The following LARGE1 variants were observed in gnomAD, a reference collection of about 807,000 sequenced individuals.
The protein encoded by LARGE1 is LARGE xylosyl- and glucuronyltransferase 1, also known as xylosyl- and glucuronyltransferase LARGE1.
Under a neutral mutation model 87.6 loss-of-function variants are expected in LARGE1, and 43 were observed. The ratio of observed to expected loss-of-function variants is 0.49; its 90% CI spans 0.38 to 0.63. The LOEUF is 0.63. Among genes scored for constraint, LARGE1 ranks in the 30% least tolerant of loss-of-function variants. The pLI is 0.00. For synonymous variants in LARGE1, 434 were observed against 394.6 expected (o/e 1.10, Z -1.18); for missense variants, 802 against 1,000.2 (o/e 0.80, Z 2.67).
intron 6 of LARGE1, among the ~76,000 whole-genome samples, chr22:33,556,542 G>GGGAGGGAGGGAGGGAA (rs2077687412): frequency 3.2e-5 from 2 of 62,642 alleles, no homozygotes; most frequent in Non-Finnish European, 7.4e-5. Flanking sequence ...GAGGGAAGGA[G>GGGAGGGAGGGAGGGAA]GGAGGGAGGG....
intron 6 of LARGE1, among the ~76,000 whole-genome samples, chr22:33,466,032 T>C (rs1335936915): frequency 3.3e-5 from 5 of 152,202 alleles, no homozygotes; most frequent in Non-Finnish European, 7.3e-5. Context: ...TGTGGTAGCC[T>C]ATACGTCCCT....
At chr22:33,773,302 G>A (rs1049016785) in intron 1 of LARGE1, among the ~76,000 whole-genome samples, 8 of 152,202 alleles carry the variant, frequency 5.3e-5, no homozygotes, top group Non-Finnish European at 8.8e-5. Context: ...TTTAAAAGCC[G>A]CACGCAATAT....
intron 1 of LARGE1, among the ~76,000 whole-genome samples, chr22:33,907,860 G>C (rs1357150973): frequency 3.9e-5 from 6 of 152,176 alleles, no homozygotes; most frequent in Non-Finnish European, 8.8e-5. Context: ...GCCTCCCAAA[G>C]TGCTGGGATT....
At chr22:33,383,150 C>T (rs1396755430) in intron 8 of LARGE1, among the ~76,000 whole-genome samples, 1 of 152,154 alleles carries the variant, frequency 6.6e-6, no homozygotes, top group Non-Finnish European at 1.5e-5. Flanking sequence ...CTGAAGACAG[C>T]TACCAGTGCC....
intron 5 of LARGE1, among the ~76,000 whole-genome samples, chr22:33,576,596 T>G (rs1276013883): frequency 6.6e-6 from 1 of 152,124 alleles, no homozygotes; most frequent in Non-Finnish European, 1.5e-5. Flanking sequence ...TTCCTATGTA[T>G]GTGAATATGC....
At chr22:33,727,734 C>T (rs749653218) in intron 2 of LARGE1, 7 of 152,220 alleles carry the variant, frequency 4.6e-5, no homozygotes, top group Non-Finnish European at 1.0e-4. Flanking sequence ...CACGTGATAT[C>T]ACAAATATAC....
At chr22:33,183,620 G>GCACGCACA (rs1555880674) in intron 11 of LARGE1, among the ~76,000 whole-genome samples, 35 of 137,832 alleles carry the variant, frequency 2.5e-4, no homozygotes, top group African/African-American at 1.0e-3. Flanking sequence ...ACACACACAC[G>GCACGCACA]CACACACACA....
intron 1 of LARGE1, among the ~76,000 whole-genome samples, chr22:33,831,648 T>C (rs1210554843): frequency 6.6e-6 from 1 of 152,002 alleles, no homozygotes; most frequent in Non-Finnish European, 1.5e-5. Flanking sequence ...AAAAGATAAC[T>C]GGACAAGAAC....
At chr22:33,283,061 TG>T in intron 13 of LARGE1, 140 bp downstream of exon 13, 1 of 1,041,704 alleles carries the variant, frequency 9.6e-7, no homozygotes, top group Non-Finnish European at 1.5e-6. Flanking sequence ...GGACGTTGTC[TG>T]GAGAAAGCGG....
intron 5 of LARGE1, among the ~76,000 whole-genome samples, chr22:33,587,943 C>T (rs542876582): frequency 5.3e-5 from 8 of 152,126 alleles, no homozygotes; most frequent in Non-Finnish European, 1.2e-4. Flanking sequence ...GTTGGAAAAT[C>T]CATTCATTCT....
upstream of LARGE1, among the ~76,000 whole-genome samples, chr22:33,922,051 C>T (rs917196686): frequency 2.0e-5 from 3 of 152,052 alleles, no homozygotes; most frequent in Non-Finnish European, 2.9e-5. Flanking sequence ...CTTCTGGGGT[C>T]CCCTTCCCCC....
chr22:33,660,070 TTG>T (rs1160067357), intron 2 of LARGE1, among the ~76,000 whole-genome samples: 40 of 141,154 alleles, frequency 2.8e-4, no homozygotes, highest in South Asian at 6.9e-4. Flanking sequence ...AAATGTTTTG[TTG>T]TGTGTGTGTG....
chr22:33,263,645 G>A (rs1927767367), intron 11 of LARGE1, among the ~76,000 whole-genome samples: 1 of 152,246 alleles, frequency 6.6e-6, no homozygotes. Context: ...AGCCTTGCAA[G>A]AGCCTGAGCA....
At chr22:33,267,285 G>A (rs1460362145) in intron 11 of LARGE1, among the ~76,000 whole-genome samples, 2 of 151,584 alleles carry the variant, frequency 1.3e-5, no homozygotes, top group Non-Finnish European at 2.9e-5. Context: ...TCTCATGGGA[G>A]TCCTGTAAGC....
At chr22:33,415,032 T>C (rs376727542) in intron 7 of LARGE1, among the ~76,000 whole-genome samples, 3 of 152,348 alleles carry the variant, frequency 2.0e-5, no homozygotes, top group African/African-American at 7.2e-5. Flanking sequence ...AGTGTTATTT[T>C]TTTCGATTCA....
rs150867417 is a variant in LARGE1 at position 33,599,541 on chromosome 22, G to T, written c.615+4894C>A. 5.9e-4 allele frequency among the ~76,000 whole-genome samples: 90 copies of T among 152,278 alleles called. No individual in the cohort carries two copies. The East Asian group carries it at 0.012, about 21-fold the overall frequency. On this transcript the variant is annotated intron_variant, in intron 5 of 14. Transcript: ENST00000397394. The stretch of plus-strand genomic sequence containing the variant: ...CACAGGCCATAGAGATAGGCAGGCT[G>T]AGCCATCACTATTTGCAAATCCCCA...
intron 10 of LARGE1, among the ~76,000 whole-genome samples, chr22:33,328,397 T>C (rs1169146781): frequency 6.6e-6 from 1 of 151,998 alleles, no homozygotes; most frequent in East Asian, 1.9e-4. Context: ...CTGACCAAGA[T>C]GGTGAAACCC....
the LARGE1 span, among the ~76,000 whole-genome samples, chr22:33,123,094 C>A: frequency 6.6e-6 from 1 of 152,100 alleles, no homozygotes; most frequent in Non-Finnish European, 1.5e-5. Context: ...TGTAGGCGTT[C>A]TAGCTGGAGC....
intron 9 of LARGE1, among the ~76,000 whole-genome samples, chr22:33,373,078 T>C (rs1212295060): frequency 6.6e-6 from 1 of 152,212 alleles, no homozygotes; most frequent in Non-Finnish European, 1.5e-5. Context: ...AAGCATGTTG[T>C]AAAAGGTCTG....
Sources: allele counts gnomAD v4.1 joint callset (sites outside exome capture counted in the v4.1 genomes callset), GRCh38; gene constraint gnomAD v4.1.1; transcripts MANE v1.5; gene names NCBI Gene and HGNC (gene_info 2026-07-23, HGNC 2026-07-21).